The following GALNT8 variants were observed in gnomAD, a reference collection of about 807,000 sequenced individuals.
The protein encoded by GALNT8 is polypeptide N-acetylgalactosaminyltransferase 8.
In GALNT8, 66 loss-of-function variants were observed where a neutral mutation model predicts 62.7. The observed-to-expected ratio is 1.05, with a 90% confidence interval of 0.86 to 1.29. The LOEUF is 1.29. GALNT8 is among the 50% of genes most tolerant of loss of function. The pLI is 0.00. For missense variants in GALNT8, 771 were observed against 791.8 expected (o/e 0.97, Z 0.32); for synonymous variants, 288 against 294.3 (o/e 0.98, Z 0.22).
chr12:4,761,860 C>T (rs560494680), intron 7 of GALNT8, among the ~76,000 whole-genome samples: 1 of 152,226 alleles, frequency 6.6e-6, no homozygotes, highest in South Asian at 2.1e-4. Flanking sequence ...GGAGTTATCT[C>T]ATTGACAAAC....
chr12:4,737,124 A>G (rs568798847), intron 2 of GALNT8, among the ~76,000 whole-genome samples: 97 of 152,372 alleles, frequency 6.4e-4, no homozygotes, highest in African/African-American at 2.3e-3. Context: ...TAAGGAGCTT[A>G]GAAGTCCCCA....
chr12:4,767,322 G>T (rs569917262), intron 10 of GALNT8, among the ~76,000 whole-genome samples: 2 of 152,138 alleles, frequency 1.3e-5, no homozygotes, highest in South Asian at 2.1e-4. Context: ...AGGGCCTGGG[G>T]TTTGCTGTTT....
chr12:4,747,546 G>T (rs191838394), intron 6 of GALNT8, among the ~76,000 whole-genome samples: 4 of 152,016 alleles, frequency 2.6e-5, no homozygotes, highest in Admixed American at 2.6e-4. Context: ...TGCAAGTGAC[G>T]GCCTCATTCT....
At chr12:4,722,755 G>A (rs1278497165) in intron 1 of GALNT8, among the ~76,000 whole-genome samples, 4 of 152,180 alleles carry the variant, frequency 2.6e-5, no homozygotes, top group Non-Finnish European at 4.4e-5. Context: ...TGGGGAAAGT[G>A]TCTTTTAAAA....
intron 6 of GALNT8, among the ~76,000 whole-genome samples, chr12:4,750,675 T>C (rs183360519): frequency 1.3e-5 from 2 of 152,258 alleles, no homozygotes; most frequent in East Asian, 1.9e-4. Context: ...TTATAATCCT[T>C]TGGGTATATA....
At chr12:4,732,084 G>T (rs1210332071) in intron 2 of GALNT8, among the ~76,000 whole-genome samples, 1 of 84,580 alleles carries the variant, frequency 1.2e-5, no homozygotes, top group South Asian at 3.9e-4. Context: ...TCTCACATTG[G>T]GATTTTCTAA....
At chr12:4,721,229 A>G (rs1219903926) in intron 1 of GALNT8, among the ~76,000 whole-genome samples, 1 of 152,138 alleles carries the variant, frequency 6.6e-6, no homozygotes, top group Non-Finnish European at 1.5e-5. Context: ...CCTTAGGCCT[A>G]TTGAAGGGGT....
chr12:4,760,969 T>C lies in GALNT8; in HGVS notation c.1185T>C (p.Cys395=). The change falls in exon 7 of 11, where the codon TGT becomes TGC. Residue 395 remains cysteine (C), a synonymous_variant. Coordinates refer to ENST00000252318, the MANE Select transcript of GALNT8 (RefSeq NM_017417.2). ...GTCTTCTTCTGCAGGTGTGGCAGTG[T>C]GGAGGGAAGGTCGAGATTTTGCCCT... ...NVELSLRVWQ[C]GGKVEILPCS... is the part of the protein sequence containing the mutation. 1.2e-6 allele frequency: 2 copies of C among 1,613,952 alleles called. No homozygotes were observed. Among genetic ancestry groups the C allele is most frequent in the Non-Finnish European group, 1.7e-6 (2 of 1,179,934 alleles).
chr12:4,744,451 A>G, intron 3 of GALNT8, 66 bp from the exon 4 acceptor site: 4 of 1,142,832 alleles, frequency 3.5e-6, no homozygotes, highest in Middle Eastern at 2.3e-4. Context: ...ATATGATAGT[A>G]TAAAACTTTT....
rs147144701 is a variant in GALNT8 at position 4,766,940 on chromosome 12, T to C, written c.1761+1394T>C. Among the ~76,000 whole-genome samples, 38 of 151,740 alleles carry C rather than the reference T, an allele frequency of 2.5e-4. No homozygotes were observed. The East Asian group carries it at 7.3e-3, about 29-fold the overall frequency. ...TTTCAGAGGTTTTTTGCATCCTAGA[T>C]TAAGCTTCCCTGAACTAGACAATAT... On this transcript the variant is annotated intron_variant, in intron 10 of 10. Transcript: ENST00000252318.
chr12:4,754,963 T>C (rs2137537627), intron 6 of GALNT8, among the ~76,000 whole-genome samples: 1 of 152,322 alleles, frequency 6.6e-6, no homozygotes, highest in Non-Finnish European at 1.5e-5. Flanking sequence ...TGAGCTGATA[T>C]CCAAGATGCA....
chr12:4,731,145 T>C, intron 2 of GALNT8, among the ~76,000 whole-genome samples: 1 of 152,140 alleles, frequency 6.6e-6, no homozygotes, highest in Admixed American at 6.5e-5. Flanking sequence ...CTGAGATGAT[T>C]TTTCATTTAT....
intron 2 of GALNT8, among the ~76,000 whole-genome samples, chr12:4,727,632 C>T (rs905562349): frequency 1.3e-5 from 2 of 152,166 alleles, no homozygotes; most frequent in African/African-American, 4.8e-5. Context: ...TTGTGACTAA[C>T]ATTTTTCACT....
At position 4,765,497 on chromosome 12, in the gene GALNT8, G is replaced by T; in HGVS notation, c.1712G>T (p.Cys571Phe). 7 of 1,612,350 alleles carry T rather than the reference G, an allele frequency of 4.3e-6. No individual in the cohort carries two copies. Among genetic ancestry groups the T allele is most frequent in the Non-Finnish European group, 5.9e-6 (7 of 1,179,880 alleles). The part of the protein sequence containing the change: ...GKAEKPTLEP[C>F]SKAAKNRLHI... ...GCGGAGAAGCCCACCTTAGAACCAT[G>T]CTCCAAGGCAGCTAAGAATAGACTG... is the stretch of plus-strand genomic sequence containing the variant. Residue 571 changes from cysteine (C) to phenylalanine (F), a missense_variant, in exon 10 of 11, where the codon TGC becomes TTC. Cys to Phe is a radical substitution (Grantham distance 205). Coordinates refer to ENST00000252318, the MANE Select transcript of GALNT8 (RefSeq NM_017417.2).
chr12:4,772,715 G>A lies in GALNT8; in HGVS notation c.*118G>A, dbSNP rs1289043853. On this transcript the variant is annotated 3_prime_UTR_variant, in exon 11 of 11. Coordinates refer to ENST00000252318, the MANE Select transcript of GALNT8 (RefSeq NM_017417.2). ...AAGCATGTGTATGTCTGTTTATGGCGACTTCAGGTGGGGCCTGTGCGTGTG... is the reference window on the plus strand; with the variant it reads ...AAGCATGTGTATGTCTGTTTATGGCAACTTCAGGTGGGGCCTGTGCGTGTG... 3 of 781,636 alleles carry A rather than the reference G, an allele frequency of 3.8e-6. No homozygotes were observed. Among genetic ancestry groups the A allele is most frequent in the South Asian group, 1.7e-5 (1 of 57,644 alleles). 48.4% of individuals were successfully genotyped at this position (781,636 alleles called of 1,614,324 possible). A position where few individuals can be genotyped will look rare whatever the true frequency, so the allele number is the denominator to read the frequency against.
chr12:4,758,258 T>A (rs1353812745), intron 6 of GALNT8, among the ~76,000 whole-genome samples: 1 of 152,158 alleles, frequency 6.6e-6, no homozygotes, highest in Non-Finnish European at 1.5e-5. Context: ...ATCTTGAACA[T>A]CAGAGCTGCA....
At chr12:4,765,289 C>G in intron 9 of GALNT8, 90 bp from the exon 10 acceptor site, 1 of 1,272,412 alleles carries the variant, frequency 7.9e-7, no homozygotes, top group Non-Finnish European at 1.1e-6. Flanking sequence ...CAAGATCATT[C>G]TTCCTGCTGT....
intron 2 of GALNT8, among the ~76,000 whole-genome samples, chr12:4,730,630 T>C (rs1194694251): frequency 1.3e-5 from 2 of 152,172 alleles, no homozygotes; most frequent in Non-Finnish European, 2.9e-5. Context: ...TAGTATATTT[T>C]GAAGTCATGT....
chr12:4,765,263 G>A, intron 9 of GALNT8, 116 bp from the exon 10 acceptor site: 1 of 822,500 alleles, frequency 1.2e-6, no homozygotes. Context: ...TGGTGTGACT[G>A]GGTGTCTAGG....
Sources: gnomAD v4.1 joint callset for allele counts (sites outside exome capture counted in the v4.1 genomes callset) on GRCh38, gnomAD v4.1.1 for gene constraint, MANE v1.5 for transcripts, NCBI Gene and HGNC (gene_info 2026-07-23, HGNC 2026-07-21) for gene names.